RMDN1: variants seen among roughly 807,000 people sequenced by gnomAD.
RMDN1 encodes the protein regulator of microtubule dynamics 1, also known as regulator of microtubule dynamics protein 1.
RMDN1 carries 48 observed loss-of-function variants against 48.9 expected under a neutral mutation model. That is an observed-to-expected ratio of 0.98 (90% confidence interval 0.78 to 1.25). The LOEUF is 1.25. Ranked by LOEUF, RMDN1 falls within the 50% of genes most tolerant of loss-of-function variation. The pLI is 0.00. For synonymous variants in RMDN1, 148 were observed against 132.6 expected, an observed-to-expected ratio of 1.12 and a Z score of -0.80; for missense variants, 418 against 373.4, an observed-to-expected ratio of 1.12 and a Z score of -0.98.
rs1405705068 is a variant in RMDN1, at chr8:86,503,390, C to CAAAAAAAAAAAAAAACAAAACAAAACA, written c.247+3604_247+3605insTGTTTTGTTTTGTTTTTTTTTTTTTTT. 7.1e-5 allele frequency among the ~76,000 whole-genome samples: 4 copies of CAAAAAAAAAAAAAAACAAAACAAAACA among 56,586 alleles called. 1 individual carries two copies. Among genetic ancestry groups the CAAAAAAAAAAAAAAACAAAACAAAACA allele is most frequent in the African/African-American group, 2.7e-4 (4 of 15,044 alleles). The allele number at this position is 56,586 out of a possible 152,430, so 37.1% of individuals were successfully genotyped here. A position where few individuals can be genotyped will look rare whatever the true frequency, so the allele number is the denominator to read the frequency against. On this transcript the variant is annotated intron_variant, in intron 2 of 9. Coordinates refer to ENST00000406452, the MANE Select transcript of RMDN1 (RefSeq NM_016033.3). ...ACAAAACAAAAAAAAAAAAAAAAAA[C>CAAAAAAAAAAAAAAACAAAACAAAACA]AAAAAAAAATAACAAAAATAACTTG...
At chr8:86,482,511 T>C (rs570053830) in intron 5 of RMDN1, 454 of 679,534 alleles carry the variant, frequency 6.7e-4, no homozygotes, top group Non-Finnish European at 5.7e-4. Flanking sequence ...TTTAATTCTG[T>C]CACACATAAT....
intron 6 of RMDN1, among the ~76,000 whole-genome samples, chr8:86,479,946 T>C (rs1383492906): frequency 6.6e-6 from 1 of 152,134 alleles, no homozygotes; most frequent in Non-Finnish European, 1.5e-5. Context: ...CTGACACACT[T>C]TGAAGATACA....
intron 5 of RMDN1, chr8:86,481,997 G>C: frequency 1.2e-6 from 1 of 845,352 alleles, no homozygotes; most frequent in African/African-American, 1.7e-5. Context: ...GTGTCCAGGA[G>C]TACAGTCCTA....
At chr8:86,485,587 G>C (rs1030352802) in intron 4 of RMDN1, among the ~76,000 whole-genome samples, 1 of 152,160 alleles carries the variant, frequency 6.6e-6, no homozygotes, top group Non-Finnish European at 1.5e-5. Flanking sequence ...ATATGTAATT[G>C]AATGTTTTAT....
intron 5 of RMDN1, chr8:86,483,012 A>C: frequency 1.6e-6 from 1 of 623,930 alleles, no homozygotes; most frequent in Non-Finnish European, 2.9e-6. Context: ...TCGTGGAGGC[A>C]GCCGCCCAGG....
At chr8:86,484,674 C>T (rs1815150852) in intron 5 of RMDN1, 198 bp downstream of exon 5, 4 of 360,526 alleles carry the variant, frequency 1.1e-5, no homozygotes, top group Non-Finnish European at 2.0e-5. Flanking sequence ...GCTGAGATAG[C>T]ACCATTGCAC....
Position 86,508,247 on chromosome 8 carries a change from A to G in RMDN1, c.129+245T>C. The G allele has an allele frequency of 6.9e-6, 3 of 436,794 alleles. No homozygotes were observed. In the East Asian group the frequency reaches 1.1e-4, roughly 16 times the overall value. 27.1% of individuals were successfully genotyped at this position (436,794 alleles called of 1,614,324 possible). A position where few individuals can be genotyped will look rare whatever the true frequency, so the allele number is the denominator to read the frequency against. The stretch of plus-strand genomic sequence containing the variant: ...TACATTTCGCACAAGAAGGGCGGGT[A>G]GCAGGCAGCTTCTGGGGCGCGTGGG... On this transcript the variant is annotated intron_variant, in intron 1 of 9. Transcript: ENST00000406452.
chr8:86,513,049 A>G (rs1220253789), upstream of RMDN1, among the ~76,000 whole-genome samples: 1 of 148,754 alleles, frequency 6.7e-6, no homozygotes, highest in African/African-American at 2.5e-5. Context: ...CCATTTTTCT[A>G]TTGGGTGTTT....
intron 3 of RMDN1, 46 bp downstream of exon 3, chr8:86,488,506 A>C (rs768612519): frequency 1.6e-6 from 2 of 1,248,154 alleles, no homozygotes; most frequent in Non-Finnish European, 2.2e-6. Context: ...TAAATAACAA[A>C]AATTTTGAGG....
intron 1 of RMDN1, chr8:86,514,205 C>A (rs1350070886): frequency 1.3e-5 from 12 of 956,680 alleles, no homozygotes; most frequent in African/African-American, 1.8e-5. Context: ...ATTATTTAAT[C>A]CTTAAGGAAT....
intron 2 of RMDN1, among the ~76,000 whole-genome samples, chr8:86,493,178 T>C (rs996909737): frequency 6.6e-6 from 1 of 152,232 alleles, no homozygotes; most frequent in African/African-American, 2.4e-5. Flanking sequence ...TCACAAGTTA[T>C]ATAAACATGC....
At position 86,472,549 on chromosome 8, in the gene RMDN1, C is replaced by G; in HGVS notation, c.*1759G>C. Reference sequence around the variant, plus strand: ...GCATCATTAAGTGGGAAACTGAAAGCCTGCCATTGTTGTTGCCGTTTAACA... The same window carrying G: ...GCATCATTAAGTGGGAAACTGAAAGGCTGCCATTGTTGTTGCCGTTTAACA... On this transcript the variant is annotated 3_prime_UTR_variant, in exon 10 of 10. Coordinates refer to ENST00000406452, the MANE Select transcript of RMDN1 (RefSeq NM_016033.3). The G allele has an allele frequency of 1.4e-6, 1 of 695,042 alleles. No homozygotes were observed. Among genetic ancestry groups the G allele is most frequent in the South Asian group, 1.5e-5 (1 of 66,126 alleles). 43.1% of individuals were successfully genotyped at this position (695,042 alleles called of 1,614,324 possible). A position where few individuals can be genotyped will look rare whatever the true frequency, so the allele number is the denominator to read the frequency against.
At chr8:86,482,548 T>A in intron 5 of RMDN1, 1 of 727,350 alleles carries the variant, frequency 1.4e-6, no homozygotes, top group East Asian at 2.6e-5. Context: ...GAATGTCATC[T>A]TCTTGCCTGT....
At chr8:86,469,725 A>G (rs1414063745), downstream of RMDN1, among the ~76,000 whole-genome samples, 1 of 152,224 alleles carries the variant, frequency 6.6e-6, no homozygotes, top group East Asian at 1.9e-4. Context: ...GTTCTCCTGT[A>G]ACACTCAGTT....
chr8:86,503,390 C>CAAAACACAACA (rs1491204153), intron 2 of RMDN1, among the ~76,000 whole-genome samples: 1 of 56,588 alleles, frequency 1.8e-5, no homozygotes, highest in Non-Finnish European at 3.5e-5. Context: ...AAAAAAAAAA[C>CAAAACACAACA]AAAAAAAAAT....
chr8:86,483,049 G>C, intron 5 of RMDN1: 1 of 505,366 alleles, frequency 2.0e-6, no homozygotes, highest in Non-Finnish European at 3.5e-6. Context: ...TTATGAGAAG[G>C]GTTGAGAGGG....
At chr8:86,505,160 A>G (rs1341616120) in intron 2 of RMDN1, 1 of 1,155,436 alleles carries the variant, frequency 8.7e-7, no homozygotes, top group Non-Finnish European at 1.2e-6. Flanking sequence ...CTGCTTCTGA[A>G]TGCTGCTACT....
At chr8:86,474,582 G>A (rs1813047392) in intron 9 of RMDN1, 1 of 708,944 alleles carries the variant, frequency 1.4e-6, no homozygotes, top group Admixed American at 2.1e-5. Context: ...TCTGCCATGT[G>A]TGTCAAACAG....
intron 2 of RMDN1, among the ~76,000 whole-genome samples, chr8:86,506,180 A>G (rs1819315753): frequency 6.6e-6 from 1 of 152,246 alleles, no homozygotes; most frequent in Admixed American, 6.5e-5. Context: ...AACTTAAAAT[A>G]ATCAGTTCTT....
Sources: gnomAD v4.1 joint callset for allele counts (sites outside exome capture counted in the v4.1 genomes callset) on GRCh38, gnomAD v4.1.1 for gene constraint, MANE v1.5 for transcripts, NCBI Gene and HGNC (gene_info 2026-07-23, HGNC 2026-07-21) for gene names.